Variants in SPTA1 observed in about 807,000 individuals in gnomAD.
SPTA1 encodes spectrin alpha, erythrocytic 1.
In SPTA1, 177 loss-of-function variants were observed where a neutral mutation model predicts 324.7. The observed-to-expected ratio is 0.55, with a 90% CI of 0.48 to 0.62. SPTA1 has a LOEUF of 0.62. SPTA1 is among the 20% of genes least tolerant of loss of function. SPTA1 has a pLI of 0.00. For missense variants in SPTA1, 3,162 were observed against 2,883.6 expected, an observed-to-expected ratio of 1.10 and a Z score of -2.21; for synonymous variants, 1,195 against 1,041.3, an observed-to-expected ratio of 1.15 and a Z score of -2.84.
chr1:158,617,402 T>A (rs1371738345), intron 47 of SPTA1, 135 bp downstream of exon 47: 3 of 723,602 alleles, frequency 4.1e-6, no homozygotes, highest in Middle Eastern at 3.7e-4. Context: ...ATATTCATGA[T>A]GTGATGGCCT....
chr1:158,641,568 A>G (rs1651576886), intron 33 of SPTA1, among the ~76,000 whole-genome samples: 1 of 152,252 alleles, frequency 6.6e-6, no homozygotes, highest in Non-Finnish European at 1.5e-5. Context: ...AATGCTCATC[A>G]TCACTGGTCA....
At chr1:158,664,758 A>C (rs1653477498) in intron 16 of SPTA1, among the ~76,000 whole-genome samples, 1 of 152,242 alleles carries the variant, frequency 6.6e-6, no homozygotes, top group African/African-American at 2.4e-5. Flanking sequence ...CATTTTTGTA[A>C]ATCAGAACAT....
At chr1:158,616,032 G>A (rs186400028) in intron 47 of SPTA1, among the ~76,000 whole-genome samples, 1 of 152,302 alleles carries the variant, frequency 6.6e-6, no homozygotes, top group African/African-American at 2.4e-5. Flanking sequence ...TCTGATGATT[G>A]TGGAGTGCAG....
chr1:158,647,525 C>G lies in SPTA1; in HGVS notation c.3896+14G>C. Reference sequence around the variant, plus strand: ...CTTAGAGGCCAGACACGGAAGTTACCCACCCCACTCTACCTGGCCTTGCTG... The same window carrying G: ...CTTAGAGGCCAGACACGGAAGTTACGCACCCCACTCTACCTGGCCTTGCTG... On this transcript the variant is annotated intron_variant, in intron 27 of 51. Transcript: ENST00000643759. The G allele has an allele frequency of 6.2e-7, 1 of 1,612,592 alleles. No homozygotes were observed. The highest frequency in any genetic ancestry group is 1.3e-5 in the African/African-American group (1 of 74,938).
rs74719686 is a variant in SPTA1, at chr1:158,672,564, G to A, written c.1351-368C>T. Reference sequence around the variant, plus strand: ...GCAAATAATTTTTAGATAATGTAATGTGAGCTAGAGAAAAGTGCAGTGTCT... The same window carrying A: ...GCAAATAATTTTTAGATAATGTAATATGAGCTAGAGAAAAGTGCAGTGTCT... On this transcript the variant is annotated intron_variant, in intron 10 of 51. Transcript: ENST00000643759. Among the ~76,000 whole-genome samples the A allele has an allele frequency of 2.2e-3, 341 of 152,302 alleles. 12 individuals carry two copies. In the East Asian group the frequency reaches 0.061, roughly 27 times the overall value.
intron 18 of SPTA1, among the ~76,000 whole-genome samples, chr1:158,659,110 A>G (rs1236799969): frequency 6.6e-6 from 1 of 152,094 alleles, no homozygotes; most frequent in African/African-American, 2.4e-5. Flanking sequence ...TCATTTAATA[A>G]TCTCATTCAA....
At chr1:158,627,797 G>T (rs570466528) in intron 39 of SPTA1, 74 bp from the exon 40 acceptor site, 2 of 1,415,668 alleles carry the variant, frequency 1.4e-6, no homozygotes, top group African/African-American at 2.8e-5. Context: ...TCAGACTCAC[G>T]GGTCTATTAT....
At chr1:158,676,517 A>G (rs116292345) in intron 7 of SPTA1, among the ~76,000 whole-genome samples, 2,585 of 152,208 alleles carry the variant, frequency 0.017, 71 homozygotes, top group African/African-American at 0.059. Context: ...GAACGTTCTC[A>G]TTTTATATTA....
At chr1:158,654,224 G>C (rs1220989810) in intron 21 of SPTA1, among the ~76,000 whole-genome samples, 1 of 152,086 alleles carries the variant, frequency 6.6e-6, no homozygotes, top group South Asian at 2.1e-4. Context: ...CTTTTGGTAG[G>C]CTCCTTCTAA....
chr1:158,619,349 C>A lies in SPTA1; in HGVS notation c.6418-15G>T, dbSNP rs1231826125. 1 of 1,613,326 alleles carries A rather than the reference C, an allele frequency of 6.2e-7. No individual in the cohort carries two copies. The highest frequency in any genetic ancestry group is 8.5e-7 in the Non-Finnish European group (1 of 1,179,374). On this transcript the variant is annotated splice_polypyrimidine_tract_variant and intron_variant, in intron 44 of 51. Coordinates refer to ENST00000643759, the MANE Select transcript of SPTA1 (RefSeq NM_003126.4). ...TGCTCCCGTTCCTAAAACCCCAAAT[C>A]ACAGACAACGTGACTGACATCGAAG...
At chr1:158,622,922 G>A (rs373129856) in intron 43 of SPTA1, 61 bp downstream of exon 43, 68 of 1,431,636 alleles carry the variant, frequency 4.7e-5, no homozygotes, top group East Asian at 1.8e-4. Flanking sequence ...ATCTGTTTCC[G>A]AATTTCATGG....
intron 47 of SPTA1, among the ~76,000 whole-genome samples, chr1:158,616,941 G>A (rs1214735684): frequency 6.6e-6 from 1 of 151,866 alleles, no homozygotes; most frequent in Non-Finnish European, 1.5e-5. Context: ...CAAGTGAGAT[G>A]ACAGTCAAAA....
At position 158,627,137 on chromosome 1, in the gene SPTA1, G is replaced by A. The variant is rs1470133526; in HGVS notation, c.5665-130C>T. On this transcript the variant is annotated intron_variant, in intron 40 of 51. Transcript: ENST00000643759. ...ACCAAGTGTGACCGTCTTAGTTTGT[G>A]TAAGTTTCTAGGAGGTAGGGAGTCA... The A allele has an allele frequency of 1.8e-5, 22 of 1,238,476 alleles. No homozygotes were observed. In the South Asian group the frequency reaches 2.3e-4, roughly 13 times the overall value. 76.7% of individuals were successfully genotyped at this position (1,238,476 alleles called of 1,614,324 possible). A position where few individuals can be genotyped will look rare whatever the true frequency, so the allele number is the denominator to read the frequency against.
intron 47 of SPTA1, among the ~76,000 whole-genome samples, chr1:158,617,077 C>T (rs1322419526): frequency 6.6e-6 from 1 of 152,102 alleles, no homozygotes; most frequent in South Asian, 2.1e-4. Flanking sequence ...CTGTTCTAAC[C>T]CATTACTTCG....
intron 51 of SPTA1, 116 bp downstream of exon 51, chr1:158,612,701 A>G: frequency 9.3e-7 from 1 of 1,071,790 alleles, no homozygotes; most frequent in Non-Finnish European, 1.4e-6. Context: ...GTGAAAGGGG[A>G]GGTCTGAAAA....
chr1:158,618,564 G>C (rs1453045040), intron 45 of SPTA1, among the ~76,000 whole-genome samples: 1 of 152,108 alleles, frequency 6.6e-6, no homozygotes, highest in Non-Finnish European at 1.5e-5. Context: ...CATCTTCTAA[G>C]TCTCCTTTTT....
Position 158,611,243 on chromosome 1 carries a change from C to A in SPTA1, c.*21G>T. 6.2e-7 allele frequency: 1 copy of A among 1,609,838 alleles called. No individual in the cohort carries two copies. The highest frequency in any genetic ancestry group is 8.5e-7 in the Non-Finnish European group (1 of 1,177,360). On this transcript the variant is annotated 3_prime_UTR_variant, in exon 52 of 52. Coordinates refer to ENST00000643759, the MANE Select transcript of SPTA1 (RefSeq NM_003126.4). ...TTTCCCACGACACTAAGATTTTCTA[C>A]GATCCACGAGGAGCTGCTTATTAGT...
chr1:158,635,082 C>G (rs1215436840), intron 38 of SPTA1, among the ~76,000 whole-genome samples: 1 of 152,066 alleles, frequency 6.6e-6, no homozygotes, highest in Non-Finnish European at 1.5e-5. Context: ...TTTAGCCCCC[C>G]CCAGGAAAAA....
Position 158,657,503 on chromosome 1 carries a change from A to G in SPTA1, c.2779T>C (p.Tyr927His). 6.2e-7 allele frequency: 1 copy of G among 1,613,918 alleles called. No homozygotes were observed. The highest frequency in any genetic ancestry group is 2.2e-5 in the East Asian group (1 of 44,858). The change falls in exon 19 of 52, where the codon TAT becomes CAT. Residue 927 changes from tyrosine to histidine, a missense_variant. By Grantham distance (83) the Tyr-to-His change is moderately conservative. Transcript: ENST00000643759. ...CCAGCTGCTTCTTCATCAGCACCAT[A>G]GTTAGTATTATCTACAATAGGTTCC... The part of the protein sequence containing the change: ...EKEPIVDNTN[Y>H]GADEEAAGAL...
Sources: gnomAD v4.1 joint callset for allele counts (sites outside exome capture counted in the v4.1 genomes callset) on GRCh38, gnomAD v4.1.1 for gene constraint, MANE v1.5 for transcripts, NCBI Gene and HGNC (gene_info 2026-07-23, HGNC 2026-07-21) for gene names.